The following OCA2 variants were observed in gnomAD, a reference collection of about 807,000 sequenced individuals.
OCA2 encodes OCA2 melanosomal transmembrane protein, also known as P protein.
In OCA2, 77 loss-of-function variants were observed where a neutral mutation model predicts 100.2. The ratio of observed to expected loss-of-function variants is 0.77; its 90% CI spans 0.64 to 0.93. The LOEUF (loss-of-function observed/expected upper bound fraction) is 0.93, where lower values mean the gene tolerates loss of function less well. Among genes scored for constraint, OCA2 ranks in the 40% least tolerant of loss-of-function variants. OCA2 has a pLI of 0.00. For synonymous variants in OCA2, 432 were observed against 439.2 expected, an observed-to-expected ratio of 0.98 and a Z score of 0.21; for missense variants, 1,062 against 1,089.1, an observed-to-expected ratio of 0.98 and a Z score of 0.35.
At chr15:27,937,393 G>A (rs1298858546) in intron 18 of OCA2, among the ~76,000 whole-genome samples, 1 of 152,198 alleles carries the variant, frequency 6.6e-6, no homozygotes, top group African/African-American at 2.4e-5. Context: ...GTGTGCAAAT[G>A]TACATATTTT....
At chr15:27,972,729 T>C (rs148075822) in intron 14 of OCA2, among the ~76,000 whole-genome samples, 3,569 of 152,080 alleles carry the variant, frequency 0.023, 151 homozygotes, top group African/African-American at 0.082. Flanking sequence ...TTTGTTTGAG[T>C]TTCTTATAGA....
intron 2 of OCA2, among the ~76,000 whole-genome samples, chr15:28,062,918 C>T (rs1480207136): frequency 6.6e-6 from 1 of 152,098 alleles, no homozygotes; most frequent in Non-Finnish European, 1.5e-5. Context: ...ATCTGTATGT[C>T]TATCCTTATG....
At chr15:27,967,206 G>A (rs1487959486) in intron 14 of OCA2, among the ~76,000 whole-genome samples, 1 of 152,156 alleles carries the variant, frequency 6.6e-6, no homozygotes, top group Non-Finnish European at 1.5e-5. Flanking sequence ...CAGGGTCCAG[G>A]GAGGGCCAGA....
At chr15:27,839,186 CAG>C (rs1406565837) in intron 23 of OCA2, among the ~76,000 whole-genome samples, 1 of 151,988 alleles carries the variant, frequency 6.6e-6, no homozygotes, top group Non-Finnish European at 1.5e-5. Flanking sequence ...CGTAAGAAAA[CAG>C]AAGACTAAAG....
intron 23 of OCA2, among the ~76,000 whole-genome samples, chr15:27,784,883 AAG>A (rs144739347): frequency 1.5e-5 from 2 of 135,876 alleles, no homozygotes; most frequent in African/African-American, 6.9e-5. Flanking sequence ...AAGAAGCAGA[AAG>A]AGAGAGACAG....
At chr15:27,798,847 G>A (rs1402434422) in intron 23 of OCA2, among the ~76,000 whole-genome samples, 1 of 152,140 alleles carries the variant, frequency 6.6e-6, no homozygotes, top group African/African-American at 2.4e-5. Flanking sequence ...ATTTAACAAA[G>A]TTAGGCTAGT....
intron 19 of OCA2, among the ~76,000 whole-genome samples, chr15:27,916,299 C>G (rs2038661144): frequency 6.6e-6 from 1 of 152,062 alleles, no homozygotes; most frequent in African/African-American, 2.4e-5. Flanking sequence ...CCATGACATG[C>G]AGTTTACCCC....
chr15:27,948,289 G>A (rs1204499978), intron 18 of OCA2, among the ~76,000 whole-genome samples: 1 of 152,132 alleles, frequency 6.6e-6, no homozygotes, highest in Admixed American at 6.6e-5. Flanking sequence ...AACGGGGTTG[G>A]CCTTGCTAGA....
In OCA2 at chr15:27,986,574, A is replaced by G. The variant is rs758559933; in HGVS notation, c.1239+13T>C. 1 of 1,517,548 alleles carries G rather than the reference A, an allele frequency of 6.6e-7. No homozygotes were observed. The highest frequency in any genetic ancestry group is 2.2e-5 in the East Asian group (1 of 44,454). The allele number at this position is 1,517,548 out of a possible 1,614,324, so 94.0% of individuals were successfully genotyped here. Reference sequence around the variant, plus strand: ...AATCAGGATAGAATTATTAAATGCAACATCATACCTACCTTTACAGCACAA... The same window carrying G: ...AATCAGGATAGAATTATTAAATGCAGCATCATACCTACCTTTACAGCACAA... On this transcript the variant is annotated intron_variant, in intron 12 of 23. Coordinates refer to ENST00000354638, the MANE Select transcript of OCA2 (RefSeq NM_000275.3).
chr15:27,913,652 G>A (rs1017665343), intron 19 of OCA2, among the ~76,000 whole-genome samples: 2 of 151,478 alleles, frequency 1.3e-5, no homozygotes, highest in Non-Finnish European at 2.9e-5. Context: ...AAACTGCCAT[G>A]AAAATCTTCA....
intron 19 of OCA2, among the ~76,000 whole-genome samples, chr15:27,879,845 C>A (rs1256021899): frequency 6.6e-6 from 1 of 152,072 alleles, no homozygotes; most frequent in Non-Finnish European, 1.5e-5. Context: ...TGCAGAAGTT[C>A]TTTAGTTTAA....
At chr15:27,995,605 G>C (rs2041698950) in intron 9 of OCA2, among the ~76,000 whole-genome samples, 1 of 151,324 alleles carries the variant, frequency 6.6e-6, no homozygotes, top group East Asian at 2.0e-4. Flanking sequence ...GCCCAAGCTG[G>C]TCTTGAACTC....
At chr15:27,722,242 A>C in the OCA2 span, among the ~76,000 whole-genome samples, 1 of 152,238 alleles carries the variant, frequency 6.6e-6, no homozygotes, top group Admixed American at 6.5e-5. Flanking sequence ...GTGGTAAATA[A>C]AGAGACTGTG....
At chr15:28,097,244 CTG>C (rs1396826663) in intron 1 of OCA2, among the ~76,000 whole-genome samples, 1 of 152,220 alleles carries the variant, frequency 6.6e-6, no homozygotes, top group African/African-American at 2.4e-5. Context: ...TCCGCCGAAA[CTG>C]CGCGGGTCCC....
intron 10 of OCA2, 72 bp from the exon 11 acceptor site, chr15:27,989,738 G>A (rs1024827987): frequency 1.8e-5 from 25 of 1,362,398 alleles, no homozygotes; most frequent in Admixed American, 5.5e-5. Context: ...ATGAAGCGCT[G>A]CCCCCTGCTG....
intron 2 of OCA2, among the ~76,000 whole-genome samples, chr15:28,068,860 A>G (rs2044105771): frequency 2.0e-5 from 3 of 152,230 alleles, no homozygotes. Flanking sequence ...ATCTCAATAG[A>G]TGCAGAAAAA....
chr15:27,913,901 AAGCAAGCAAGC>A lies in OCA2; in HGVS notation c.2079+12215_2079+12225del, dbSNP rs1567098771. On this transcript the variant is annotated intron_variant, in intron 19 of 23. Transcript: ENST00000354638. ...AAAGAAAGAAAGAAAGAAAGCAAGCAAGCAAGCAAGCAAGCAAGCAAGCAAGCAAGAAAGAA... is the reference window on the plus strand; with the variant it reads ...AAAGAAAGAAAGAAAGAAAGCAAGCAAAGCAAGCAAGCAAGCAAGAAAGAA... Among the ~76,000 whole-genome samples, 5 of 34,832 alleles carry A rather than the reference AAGCAAGCAAGC, an allele frequency of 1.4e-4. 2 individuals carry two copies. The highest frequency in any genetic ancestry group is 5.6e-4 in the African/African-American group (5 of 8,922). The allele number at this position is 34,832 out of a possible 152,430, so 22.9% of individuals were successfully genotyped here.
chr15:28,000,633 A>G (rs1378895465), intron 9 of OCA2, among the ~76,000 whole-genome samples: 1 of 152,200 alleles, frequency 6.6e-6, no homozygotes, highest in Non-Finnish European at 1.5e-5. Flanking sequence ...CAAATTAAAA[A>G]GCTTTTGCAC....
At chr15:27,966,665 T>C (rs1255154150) in intron 15 of OCA2, 25 bp downstream of exon 15, 1 of 1,613,180 alleles carries the variant, frequency 6.2e-7, no homozygotes, top group South Asian at 1.1e-5. Flanking sequence ...AATCTGAGCC[T>C]ACATGAGGTT....
Sources: gnomAD v4.1 joint callset for allele counts (sites outside exome capture counted in the v4.1 genomes callset) on GRCh38, gnomAD v4.1.1 for gene constraint, MANE v1.5 for transcripts, NCBI Gene and HGNC (gene_info 2026-07-23, HGNC 2026-07-21) for gene names.